Variants in DPY19L2 observed in about 807,000 individuals in gnomAD.
DPY19L2 encodes dpy-19 like 2.
DPY19L2 carries 34 observed loss-of-function variants against 97.9 expected under a neutral mutation model. The observed-to-expected ratio is 0.35, with a 90% CI of 0.26 to 0.46. The LOEUF is 0.46. DPY19L2 is among the 20% of genes least tolerant of loss of function. The probability of loss-of-function intolerance (pLI) is 1.00; values close to 1 mark genes in which losing one functional copy is unlikely to be tolerated. For missense variants in DPY19L2, 623 were observed against 911.4 expected (o/e 0.68, Z 4.07); for synonymous variants, 230 against 307.9 (o/e 0.75, Z 2.65).
intron 16 of DPY19L2, among the ~76,000 whole-genome samples, chr12:63,588,961 G>C (rs1399058565): frequency 6.6e-6 from 1 of 151,732 alleles, no homozygotes; most frequent in Non-Finnish European, 1.5e-5. Flanking sequence ...CACCATGTTA[G>C]CCAGGATGGC....
At chr12:63,629,871 G>A (rs1890271629) in intron 6 of DPY19L2, among the ~76,000 whole-genome samples, 1 of 152,134 alleles carries the variant, frequency 6.6e-6, no homozygotes, top group African/African-American at 2.4e-5. Context: ...TGATCTCTTG[G>A]CAGAAACTCT....
rs574245765 is a variant in DPY19L2 at position 63,580,904 on chromosome 12, C to T, written c.1726-68G>A. 118 of 1,510,648 alleles carry T rather than the reference C, an allele frequency of 7.8e-5. 1 individual carries two copies. In the South Asian group the frequency reaches 1.4e-3, roughly 18 times the overall value. 93.6% of individuals were successfully genotyped at this position (1,510,648 alleles called of 1,614,324 possible). ...AGTACCGTAGGGTCAACAATAAATTCTCACCTTGTTACTCAAACCAATGTG... is the reference window on the plus strand; with the variant it reads ...AGTACCGTAGGGTCAACAATAAATTTTCACCTTGTTACTCAAACCAATGTG... On this transcript the variant is annotated intron_variant, in intron 18 of 21. Transcript: ENST00000324472.
chr12:63,592,344 CA>C (rs1565729617), intron 16 of DPY19L2, among the ~76,000 whole-genome samples: 4 of 150,456 alleles, frequency 2.7e-5, no homozygotes, highest in African/African-American at 9.8e-5. Context: ...AATCCTAAGC[CA>C]AAAGAACAAA....
intron 9 of DPY19L2, among the ~76,000 whole-genome samples, chr12:63,618,597 C>T (rs188939623): frequency 0.016 from 2,417 of 152,046 alleles, 71 homozygotes; most frequent in African/African-American, 0.055. Context: ...ACAAGCTGAG[C>T]AGGCATTTCA....
At chr12:63,666,060 C>T (rs1331805141) in intron 1 of DPY19L2, among the ~76,000 whole-genome samples, 1 of 152,108 alleles carries the variant, frequency 6.6e-6, no homozygotes, top group African/African-American at 2.4e-5. Context: ...CTCTCTGCAG[C>T]AGGGCTTGAC....
At chr12:63,582,880 C>A (rs1156693162) in intron 17 of DPY19L2, among the ~76,000 whole-genome samples, 1 of 151,984 alleles carries the variant, frequency 6.6e-6, no homozygotes, top group East Asian at 1.9e-4. Flanking sequence ...CTAGGGAGAG[C>A]AGGAGGTGGT....
intron 19 of DPY19L2, among the ~76,000 whole-genome samples, chr12:63,579,136 A>G (rs1880421547): frequency 1.3e-5 from 2 of 152,170 alleles, no homozygotes. Context: ...ATGAGCATTA[A>G]CAAGGAAAAA....
At chr12:63,597,985 T>C (rs1257820381) in intron 13 of DPY19L2, 75 bp from the exon 14 acceptor site, 3 of 1,176,882 alleles carry the variant, frequency 2.5e-6, no homozygotes, top group African/African-American at 1.6e-5. Context: ...ACTTTATTGA[T>C]GTAAGAATAA....
At chr12:63,638,934 C>T (rs12824906) in intron 6 of DPY19L2, among the ~76,000 whole-genome samples, 2,475 of 152,038 alleles carry the variant, frequency 0.016, 72 homozygotes, top group African/African-American at 0.055. Context: ...GGAGACATCA[C>T]GCTACCTGAC....
chr12:63,636,859 A>T (rs1891805394), intron 6 of DPY19L2, among the ~76,000 whole-genome samples: 1 of 152,136 alleles, frequency 6.6e-6, no homozygotes, highest in African/African-American at 2.4e-5. Context: ...CCACGCTGTC[A>T]ACATTGGACA....
At chr12:63,588,098 A>G (rs1036024189) in intron 16 of DPY19L2, among the ~76,000 whole-genome samples, 9 of 152,200 alleles carry the variant, frequency 5.9e-5, no homozygotes, top group Admixed American at 3.3e-4. Context: ...GAAAAACAAC[A>G]AAAGTGCACC....
intron 8 of DPY19L2, among the ~76,000 whole-genome samples, chr12:63,622,297 A>G (rs1298887236): frequency 1.3e-5 from 2 of 152,132 alleles, no homozygotes; most frequent in Non-Finnish European, 1.5e-5. Flanking sequence ...CCTAGGAATT[A>G]AACTGGGAAT....
chr12:63,636,447 T>C (rs567200022), intron 6 of DPY19L2, among the ~76,000 whole-genome samples: 11 of 152,168 alleles, frequency 7.2e-5, no homozygotes, highest in African/African-American at 1.9e-4. Flanking sequence ...TAAATGTAAA[T>C]GGGCTAAATG....
intron 16 of DPY19L2, among the ~76,000 whole-genome samples, chr12:63,588,756 T>G (rs1423687222): frequency 6.1e-5 from 9 of 147,484 alleles, no homozygotes; most frequent in Non-Finnish European, 1.0e-4. Context: ...TTTTTTTTTT[T>G]TTTTTTTTGT....
At position 63,570,995 on chromosome 12, in the gene DPY19L2, AC is replaced by A; in HGVS notation, c.1901-139del. The A allele has an allele frequency of 5.0e-6, 4 of 807,688 alleles. No homozygotes were observed. The South Asian group carries it at 7.7e-5, about 16-fold the overall frequency. The allele number at this position is 807,688 out of a possible 1,614,324, so 50.0% of individuals were successfully genotyped here. On this transcript the variant is annotated intron_variant, in intron 19 of 21. Coordinates refer to ENST00000324472, the MANE Select transcript of DPY19L2 (RefSeq NM_173812.5). Reference sequence around the variant, plus strand: ...GACCATGGACCTCATTCTTTTATTGACTCAATAGTTATTCATTATCTACTAC... The same window carrying A: ...GACCATGGACCTCATTCTTTTATTGATCAATAGTTATTCATTATCTACTAC...
chr12:63,588,793 G>T (rs1222151057), intron 16 of DPY19L2, among the ~76,000 whole-genome samples: 1 of 132,548 alleles, frequency 7.5e-6, no homozygotes, highest in Admixed American at 9.0e-5. Context: ...TCACTCTGTC[G>T]CCCAGGCTGG....
At chr12:63,619,494 C>T (rs1441360495) in intron 9 of DPY19L2, among the ~76,000 whole-genome samples, 3 of 151,588 alleles carry the variant, frequency 2.0e-5, no homozygotes, top group Non-Finnish European at 4.4e-5. Context: ...ACTAGAAAAA[C>T]ATTAACAGCA....
At chr12:63,665,056 G>A (rs1896163542) in intron 2 of DPY19L2, among the ~76,000 whole-genome samples, 1 of 151,664 alleles carries the variant, frequency 6.6e-6, no homozygotes, top group Admixed American at 6.6e-5. Flanking sequence ...GTAAAATAAT[G>A]TACACAGGCT....
In DPY19L2 at chr12:63,626,541, C is replaced by T; in HGVS notation, c.804-15G>A. The stretch of plus-strand genomic sequence containing the variant: ...GTTGAGTCCCACTGTAAAAAAAAAA[C>T]AAAAAAAACAGAGAATACAATCAAA... On this transcript the variant is annotated splice_polypyrimidine_tract_variant and intron_variant, in intron 6 of 21. Coordinates refer to ENST00000324472, the MANE Select transcript of DPY19L2 (RefSeq NM_173812.5). 7.0e-7 allele frequency: 1 copy of T among 1,422,644 alleles called. No individual in the cohort carries two copies. The highest frequency in any genetic ancestry group is 2.7e-5 in the East Asian group (1 of 37,470). 88.1% of individuals were successfully genotyped at this position (1,422,644 alleles called of 1,614,324 possible).
Sources: allele counts gnomAD v4.1 joint callset (sites outside exome capture counted in the v4.1 genomes callset), GRCh38; gene constraint gnomAD v4.1.1; transcripts MANE v1.5; gene names NCBI Gene and HGNC (gene_info 2026-07-23, HGNC 2026-07-21).